Variants in GARNL3 observed in about 807,000 individuals in gnomAD.
GARNL3 encodes the protein GTPase-activating Rap/Ran-GAP domain-like protein 3.
In GARNL3, 63 loss-of-function variants were observed where a neutral mutation model predicts 125.0. The observed-to-expected ratio is 0.50, with a 90% confidence interval of 0.41 to 0.62. The LOEUF (loss-of-function observed/expected upper bound fraction) is 0.62, where lower values mean the gene tolerates loss of function less well. Ranked by LOEUF, GARNL3 falls within the 20% of genes least tolerant of loss-of-function variation. The pLI, the probability that GARNL3 is intolerant of heterozygous loss-of-function variation, is 0.00. For synonymous variants in GARNL3, 439 were observed against 457.5 expected (o/e 0.96, Z 0.52); for missense variants, 994 against 1,244.0 (o/e 0.80, Z 3.02).
intron 22 of GARNL3, among the ~76,000 whole-genome samples, chr9:127,380,989 C>T (rs1030128106): frequency 2.0e-5 from 3 of 152,242 alleles, no homozygotes; most frequent in Non-Finnish European, 4.4e-5. Context: ...AGTGATTCTC[C>T]TGCCTCAGCC....
chr9:127,297,454 CTTTTTTT>C (rs1206433678), intron 2 of GARNL3, among the ~76,000 whole-genome samples: 4 of 152,046 alleles, frequency 2.6e-5, no homozygotes, highest in African/African-American at 9.6e-5. Context: ...TTTCTTTTTT[CTTTTTTT>C]TCTTTTTTAA....
chr9:127,273,682 G>A (rs1281079140), intron 1 of GARNL3, among the ~76,000 whole-genome samples: 1 of 152,176 alleles, frequency 6.6e-6, no homozygotes, highest in African/African-American at 2.4e-5. Flanking sequence ...TTGGTGGTGT[G>A]TTGCTTGTAG....
At chr9:127,296,467 T>C (rs2064593492) in intron 2 of GARNL3, among the ~76,000 whole-genome samples, 1 of 144,382 alleles carries the variant, frequency 6.9e-6, no homozygotes, top group Non-Finnish European at 1.5e-5. Flanking sequence ...GGCATGACTT[T>C]TTTTTTTTTT....
chr9:127,288,197 G>C (rs564805966), intron 1 of GARNL3, among the ~76,000 whole-genome samples: 4 of 152,306 alleles, frequency 2.6e-5, no homozygotes, highest in African/African-American at 9.6e-5. Context: ...CCCAAGAACT[G>C]ACAACAGGGT....
At chr9:127,311,235 G>GA (rs201464858) in intron 2 of GARNL3, among the ~76,000 whole-genome samples, 19,982 of 144,728 alleles carry the variant, frequency 0.14, 1,676 homozygotes, top group East Asian at 0.22. Context: ...TATGCATGGG[G>GA]AAAAAAAAAA....
At chr9:127,338,258 T>G in intron 12 of GARNL3, 97 bp downstream of exon 12, 3 of 996,510 alleles carry the variant, frequency 3.0e-6, no homozygotes, top group Non-Finnish European at 4.8e-6. Context: ...TATTTCTTGA[T>G]TGATTTAATA....
chr9:127,263,498 G>A (rs964167672), upstream of GARNL3, among the ~76,000 whole-genome samples: 13 of 152,168 alleles, frequency 8.5e-5, no homozygotes, highest in South Asian at 4.1e-4. Flanking sequence ...CCAGTGATGC[G>A]GGCTTGGTAA....
intron 10 of GARNL3, among the ~76,000 whole-genome samples, chr9:127,335,798 G>C (rs1376925466): frequency 6.6e-6 from 1 of 152,142 alleles, no homozygotes; most frequent in Non-Finnish European, 1.5e-5. Flanking sequence ...AAGTGGTCCT[G>C]TGTGATGGTT....
chr9:127,311,593 T>C, intron 2 of GARNL3, 43 bp from the exon 3 acceptor site: 5 of 1,362,232 alleles, frequency 3.7e-6, no homozygotes, highest in Non-Finnish European at 5.2e-6. Context: ...CATGTTTACT[T>C]TCTGAATAAG....
chr9:127,297,253 C>T (rs1037958671), intron 2 of GARNL3, among the ~76,000 whole-genome samples: 15 of 152,142 alleles, frequency 9.9e-5, no homozygotes, highest in African/African-American at 3.6e-4. Flanking sequence ...ATCCTCCAAC[C>T]TCAGCCTTCT....
intron 1 of GARNL3, among the ~76,000 whole-genome samples, chr9:127,273,197 G>T (rs1332568078): frequency 6.6e-6 from 1 of 151,988 alleles, no homozygotes; most frequent in Non-Finnish European, 1.5e-5. Flanking sequence ...ATACCAGAGC[G>T]GTCCCACAGC....
At chr9:127,355,924 G>A (rs1291802142) in intron 20 of GARNL3, among the ~76,000 whole-genome samples, 1 of 152,210 alleles carries the variant, frequency 6.6e-6, no homozygotes, top group Non-Finnish European at 1.5e-5. Flanking sequence ...TCCAAAAGAA[G>A]TATGGGAGTG....
chr9:127,256,909 C>T (rs150057839), intron 2 of GARNL3, among the ~76,000 whole-genome samples: 5 of 152,320 alleles, frequency 3.3e-5, no homozygotes, highest in African/African-American at 4.8e-5. Context: ...CCTGTATTCA[C>T]AGACAAGATA....
At position 127,311,534 on chromosome 9, in the gene GARNL3, T is replaced by C. The variant is rs997260601; in HGVS notation, c.220-102T>C. 1.4e-5 allele frequency: 11 copies of C among 809,014 alleles called. No individual in the cohort carries two copies. In the African/African-American group the frequency reaches 1.9e-4, roughly 14 times the overall value. The allele number at this position is 809,014 out of a possible 1,614,324, so 50.1% of individuals were successfully genotyped here. A position where few individuals can be genotyped will look rare whatever the true frequency, so the allele number is the denominator to read the frequency against. On this transcript the variant is annotated intron_variant, in intron 2 of 27. Coordinates refer to ENST00000373387, the MANE Select transcript of GARNL3 (RefSeq NM_032293.5). Reference sequence around the variant, plus strand: ...CAGCCACAGCCCTTGGGTGTATGCTTTTAACAATGATTTTTCTGGTTCTTT... The same window carrying C: ...CAGCCACAGCCCTTGGGTGTATGCTCTTAACAATGATTTTTCTGGTTCTTT...
intron 1 of GARNL3, among the ~76,000 whole-genome samples, chr9:127,267,566 T>G (rs2063730952): frequency 6.6e-6 from 1 of 152,190 alleles, no homozygotes; most frequent in South Asian, 2.1e-4. Flanking sequence ...TTTTCCCGTA[T>G]TAAAAATGAC....
chr9:127,287,558 C>A (rs1188376745), intron 1 of GARNL3, among the ~76,000 whole-genome samples: 2 of 152,172 alleles, frequency 1.3e-5, no homozygotes, highest in Admixed American at 6.5e-5. Flanking sequence ...TTCATCAGGC[C>A]CCAGCCACCA....
Position 127,326,327 on chromosome 9 carries a change from C to G in GARNL3, c.594+1232C>G, listed in dbSNP as rs116457980. On this transcript the variant is annotated intron_variant, in intron 7 of 27. Coordinates refer to ENST00000373387, the MANE Select transcript of GARNL3 (RefSeq NM_032293.5). ...CAGAGACTTCTTTAATTTTGTGTTC[C>G]CAGATCCTAGAACAGTAAAAATAGA... 8.7e-3 allele frequency among the ~76,000 whole-genome samples: 1,317 copies of G among 152,122 alleles called. 24 individuals are homozygous for G. The highest frequency in any genetic ancestry group is 0.03 in the African/African-American group (1,226 of 41,460).
In GARNL3 at chr9:127,339,765, T is replaced by C; in HGVS notation, c.1135+14T>C. The C allele has an allele frequency of 6.5e-7, 1 of 1,540,980 alleles. No homozygotes were observed. Among genetic ancestry groups the C allele is most frequent in the African/African-American group, 1.4e-5 (1 of 73,614 alleles). ...TGCTAGTGAAATGTAAGTTTCTGTTTTGAAACAATTTTGCAACTTGTTCTA... is the reference window on the plus strand; with the variant it reads ...TGCTAGTGAAATGTAAGTTTCTGTTCTGAAACAATTTTGCAACTTGTTCTA... On this transcript the variant is annotated intron_variant, in intron 13 of 27. Transcript: ENST00000373387.
intron 2 of GARNL3, among the ~76,000 whole-genome samples, chr9:127,257,735 G>C (rs929208869): frequency 6.6e-6 from 1 of 152,188 alleles, no homozygotes; most frequent in East Asian, 1.9e-4. Flanking sequence ...GCAGTTGTTG[G>C]GGGGTGCAGG....
Sources: gnomAD v4.1 joint callset for allele counts (sites outside exome capture counted in the v4.1 genomes callset) on GRCh38, gnomAD v4.1.1 for gene constraint, MANE v1.5 for transcripts, NCBI Gene and HGNC (gene_info 2026-07-23, HGNC 2026-07-21) for gene names.